MYH10: variants seen among roughly 807,000 people sequenced by gnomAD.
MYH10 encodes myosin-10.
MYH10 carries 55 observed loss-of-function variants against 257.8 expected under a neutral mutation model. The observed-to-expected ratio is 0.21, with a 90% CI of 0.17 to 0.27. The LOEUF (loss-of-function observed/expected upper bound fraction) is 0.27. Among genes scored for constraint, MYH10 ranks in the 10% least tolerant of loss-of-function variants. The probability of loss-of-function intolerance (pLI) is 1.00; values close to 1 mark genes in which losing one functional copy is unlikely to be tolerated. For missense variants in MYH10, 1,631 were observed against 2,500.6 expected, an observed-to-expected ratio of 0.65 and a Z score of 7.42; for synonymous variants, 854 against 921.7, an observed-to-expected ratio of 0.93 and a Z score of 1.33.
At chr17:8,614,240 G>A (rs2085155692) in intron 2 of MYH10, among the ~76,000 whole-genome samples, 1 of 151,298 alleles carries the variant, frequency 6.6e-6, no homozygotes. Flanking sequence ...GACCAAGGGG[G>A]GAATCTATTA....
chr17:8,571,591 G>C (rs2083344329), intron 6 of MYH10, among the ~76,000 whole-genome samples: 2 of 151,646 alleles, frequency 1.3e-5, no homozygotes, highest in Non-Finnish European at 2.9e-5. Flanking sequence ...GACCATCCTG[G>C]CTAACACAGT....
Position 8,589,244 on chromosome 17 carries a change from C to T in MYH10, c.503-136G>A, listed in dbSNP as rs1048467650. ...TCCTCTCGAGCCAAGTTAATGCCTC[C>T]AACCCCATTATACAGTCCTAAATCT... On this transcript the variant is annotated intron_variant, in intron 3 of 42. Transcript: ENST00000360416. 9 of 770,774 alleles carry T rather than the reference C, an allele frequency of 1.2e-5. No individual in the cohort carries two copies. The Admixed American group carries it at 2.2e-4, about 19-fold the overall frequency. 47.7% of individuals were successfully genotyped at this position (770,774 alleles called of 1,614,324 possible).
In MYH10 at chr17:8,490,318, G is replaced by A. The variant is rs766867460; in HGVS notation, c.4884+22C>T. 4.0e-5 allele frequency: 65 copies of A among 1,609,160 alleles called. No individual in the cohort carries two copies. The Admixed American group carries it at 1.1e-3, about 27-fold the overall frequency. The stretch of plus-strand genomic sequence containing the variant: ...TTGAGAGCCTGCACCCCTTGTTGTG[G>A]AGGCCGCACCCTCTGCCCTACCTGT... On this transcript the variant is annotated intron_variant, in intron 35 of 42. Coordinates refer to ENST00000360416, the MANE Select transcript of MYH10 (RefSeq NM_001256012.3). This position sits in a 1 kb window ranked among gnomAD's most constrained non-coding sequence, Gnocchi z 4.1.
chr17:8,526,511 C>G (rs548367991), intron 17 of MYH10, among the ~76,000 whole-genome samples: 1 of 152,308 alleles, frequency 6.6e-6, no homozygotes, highest in African/African-American at 2.4e-5. Flanking sequence ...TTACTTGGTT[C>G]TAGAAGCCTG....
chr17:8,541,918 G>A (rs1224088256), intron 14 of MYH10, 189 bp downstream of exon 14: 3 of 540,220 alleles, frequency 5.6e-6, no homozygotes, highest in East Asian at 3.1e-5. Flanking sequence ...CTAAAGAAGG[G>A]TTTTACTGGC....
chr17:8,576,727 G>C, intron 5 of MYH10, 55 bp from the exon 6 acceptor site: 3 of 1,512,334 alleles, frequency 2.0e-6, no homozygotes, highest in Non-Finnish European at 2.7e-6. Flanking sequence ...TCTTTGCCTA[G>C]CAGTAAGCCA....
In MYH10 at chr17:8,552,162, A is replaced by T; in HGVS notation, c.821-18T>A. On this transcript the variant is annotated intron_variant, in intron 8 of 42. Coordinates refer to ENST00000360416, the MANE Select transcript of MYH10 (RefSeq NM_001256012.3). This position sits in a 1 kb window ranked among gnomAD's most constrained non-coding sequence, Gnocchi z 4.8. ...CAGAAGGTCTGAGCAAAGACAGTTA[A>T]GAATTAAATTATTTAATATAATTCT... 7.3e-7 allele frequency: 1 copy of T among 1,372,020 alleles called. No individual in the cohort carries two copies. Among genetic ancestry groups the T allele is most frequent in the Non-Finnish European group, 9.9e-7 (1 of 1,010,016 alleles). 85.0% of individuals were successfully genotyped at this position (1,372,020 alleles called of 1,614,324 possible).
intron 14 of MYH10, among the ~76,000 whole-genome samples, chr17:8,541,836 G>C (rs1033414187): frequency 1.3e-5 from 2 of 152,166 alleles, no homozygotes; most frequent in Non-Finnish European, 2.9e-5. Context: ...GCCATCTGCA[G>C]TCTGTGCGAG....
chr17:8,513,514 G>A, intron 23 of MYH10, 24 bp downstream of exon 23: 1 of 1,612,528 alleles, frequency 6.2e-7, no homozygotes, highest in Non-Finnish European at 8.5e-7. Flanking sequence ...GGCCAAGTGT[G>A]AGTTACAAGG....
chr17:8,546,445 G>C (rs2082447628), intron 12 of MYH10, 99 bp downstream of exon 12: 3 of 938,876 alleles, frequency 3.2e-6, no homozygotes, highest in African/African-American at 1.7e-5. Flanking sequence ...ATGTAAGACA[G>C]TTTATATTGA....
At chr17:8,575,105 C>T (rs980014447) in intron 6 of MYH10, among the ~76,000 whole-genome samples, 10 of 152,138 alleles carry the variant, frequency 6.6e-5, no homozygotes, top group South Asian at 4.1e-4. Context: ...CGGCAATGAC[C>T]GGGAAGCATG....
intron 37 of MYH10, among the ~76,000 whole-genome samples, chr17:8,483,666 GTC>G (rs1310262370): frequency 6.6e-6 from 1 of 152,284 alleles, no homozygotes; most frequent in Admixed American, 6.5e-5. Flanking sequence ...CACTTTATCA[GTC>G]TCTGCTTCAT....
intron 1 of MYH10, among the ~76,000 whole-genome samples, chr17:8,626,526 C>T (rs2085681215): frequency 6.6e-6 from 1 of 150,758 alleles, no homozygotes; most frequent in African/African-American, 2.4e-5. Flanking sequence ...GAAATCACAC[C>T]ACTGCACTCC....
chr17:8,479,506 G>C (rs1913298308), intron 40 of MYH10, among the ~76,000 whole-genome samples: 1 of 152,206 alleles, frequency 6.6e-6, no homozygotes, highest in African/African-American at 2.4e-5. Flanking sequence ...GAATGGAGTG[G>C]GAAGTCCTGG....
chr17:8,551,567 T>G (rs1012157417), intron 9 of MYH10, among the ~76,000 whole-genome samples: 3 of 152,226 alleles, frequency 2.0e-5, no homozygotes, highest in Admixed American at 2.0e-4. Context: ...AGCTCTCCTT[T>G]GTACCTGCCC....
intron 1 of MYH10, among the ~76,000 whole-genome samples, chr17:8,630,110 C>T (rs975987859): frequency 2.6e-5 from 4 of 151,996 alleles, no homozygotes; most frequent in Non-Finnish European, 5.9e-5. Flanking sequence ...ACGCAGGGGC[C>T]CTTCCTGCCC....
chr17:8,530,523 C>T (rs1226446428), intron 17 of MYH10, 100 bp downstream of exon 17: 3 of 179,762 alleles, frequency 1.7e-5, no homozygotes, highest in South Asian at 7.8e-5. Context: ...CCCCAGTCTA[C>T]CCCCGCCCTC....
chr17:8,545,415 A>G lies in MYH10; in HGVS notation c.1431+33T>C. The stretch of plus-strand genomic sequence containing the variant: ...ATTTGTTAAAAGAACAAACAAAAAG[A>G]AGGACGAGCTAGAGGAAGAGGGGGA... On this transcript the variant is annotated intron_variant, in intron 13 of 42. Coordinates refer to ENST00000360416, the MANE Select transcript of MYH10 (RefSeq NM_001256012.3). The surrounding 1 kb of genome is among the most constrained non-coding windows in gnomAD (Gnocchi z 4.7). 2 of 1,607,374 alleles carry G rather than the reference A, an allele frequency of 1.2e-6. No individual in the cohort carries two copies. Among genetic ancestry groups the G allele is most frequent in the Middle Eastern group, 1.7e-4 (1 of 6,036 alleles).
chr17:8,549,285 G>C (rs985893087), intron 9 of MYH10, among the ~76,000 whole-genome samples: 6 of 152,354 alleles, frequency 3.9e-5, no homozygotes, highest in African/African-American at 1.4e-4. Context: ...CCCGAGCCCA[G>C]CAAAGGCCCT....
Sources: allele counts gnomAD v4.1 joint callset (sites outside exome capture counted in the v4.1 genomes callset), GRCh38; gene constraint gnomAD v4.1.1; non-coding constraint Gnocchi (gnomAD v3.1); transcripts MANE v1.5; gene names NCBI Gene and HGNC (gene_info 2026-07-23, HGNC 2026-07-21).